TMTC1: variants seen among roughly 807,000 people sequenced by gnomAD.
TMTC1 encodes the protein protein O-mannosyl-transferase TMTC1.
In TMTC1, 73 loss-of-function variants were observed where a neutral mutation model predicts 104.8. That is an observed-to-expected ratio of 0.70 (90% CI 0.58 to 0.85). The LOEUF (loss-of-function observed/expected upper bound fraction) is 0.85, where lower values mean the gene tolerates loss of function less well. Ranked by LOEUF, TMTC1 falls within the 40% of genes least tolerant of loss-of-function variation. TMTC1 has a pLI of 0.00. For missense variants in TMTC1, 1,035 were observed against 1,096.1 expected (o/e 0.94, Z 0.79); for synonymous variants, 434 against 428.7 (o/e 1.01, Z -0.15).
intron 5 of TMTC1, among the ~76,000 whole-genome samples, chr12:29,750,062 T>TACACACACACACACACACACAC (rs34859060): frequency 6.8e-6 from 1 of 146,536 alleles, no homozygotes; most frequent in African/African-American, 2.5e-5. Flanking sequence ...TAACTGTCTA[T>TACACACACACACACACACACAC]ACACACACAC....
intron 11 of TMTC1, among the ~76,000 whole-genome samples, chr12:29,531,093 AG>A (rs1245966578): frequency 2.0e-5 from 3 of 152,186 alleles, no homozygotes; most frequent in Non-Finnish European, 2.9e-5. Context: ...GCCTAGGGGT[AG>A]CCTTCCCTTC....
At chr12:29,731,471 C>T (rs866218929) in intron 5 of TMTC1, among the ~76,000 whole-genome samples, 23 of 152,126 alleles carry the variant, frequency 1.5e-4, no homozygotes, top group African/African-American at 5.3e-4. Context: ...TTTTAAACAA[C>T]GTAACAGCAA....
At chr12:29,559,347 T>G (rs1945322098) in intron 9 of TMTC1, among the ~76,000 whole-genome samples, 1 of 152,154 alleles carries the variant, frequency 6.6e-6, no homozygotes, top group East Asian at 1.9e-4. Flanking sequence ...TAAGCCCAAC[T>G]TCCTGAATTT....
intron 5 of TMTC1, among the ~76,000 whole-genome samples, chr12:29,681,363 A>C (rs1366046062): frequency 1.3e-5 from 2 of 152,188 alleles, no homozygotes; most frequent in African/African-American, 4.8e-5. Context: ...CTGGCTAGTA[A>C]ATTAAGAGAG....
At chr12:29,695,813 ATATATATATATAT>A (rs1206196867) in intron 5 of TMTC1, among the ~76,000 whole-genome samples, 11 of 112,980 alleles carry the variant, frequency 9.7e-5, no homozygotes, top group Admixed American at 1.6e-4. Flanking sequence ...ATATATATAT[ATATATATATATAT>A]ATAACCTGTC....
chr12:29,626,258 G>A (rs1937984507), intron 6 of TMTC1, among the ~76,000 whole-genome samples: 1 of 152,144 alleles, frequency 6.6e-6, no homozygotes, highest in Admixed American at 6.5e-5. Context: ...TAGGCATTAA[G>A]TAAAATAACC....
Position 29,583,593 on chromosome 12 carries a change from G to C in TMTC1, c.1251-19C>G. 1 of 1,606,564 alleles carries C rather than the reference G, an allele frequency of 6.2e-7. No homozygotes were observed. ...GCCCATGCTGGAAAACAGGGTGGAA[G>C]GAACGGGATTACTTTGGGGGTGCAA... On this transcript the variant is annotated intron_variant, in intron 7 of 17. Coordinates refer to ENST00000539277, the MANE Select transcript of TMTC1 (RefSeq NM_001193451.2).
At position 29,783,542 on chromosome 12, in the gene TMTC1, G is replaced by C. The variant is rs747662253; in HGVS notation, c.210C>G (p.Arg70=). 6.8e-7 allele frequency: 1 copy of C among 1,472,574 alleles called. No individual in the cohort carries two copies. Among genetic ancestry groups the C allele is most frequent in the Non-Finnish European group, 9.0e-7 (1 of 1,113,872 alleles). The allele number at this position is 1,472,574 out of a possible 1,614,324, so 91.2% of individuals were successfully genotyped here. A position where few individuals can be genotyped will look rare whatever the true frequency, so the allele number is the denominator to read the frequency against. ...AGAAGTCGTTGGTGAAGATGCCCCAGCGGAGCGGGGCGCCGGGCCGCACGT... is the reference window on the plus strand; with the variant it reads ...AGAAGTCGTTGGTGAAGATGCCCCACCGGAGCGGGGCGCCGGGCCGCACGT... ...NPDVRPGAPL[R]WGIFTNDFWG... Residue 70 remains arginine, a synonymous_variant, in exon 1 of 18, where the codon CGC becomes CGG. Transcript: ENST00000539277. This position sits in a 1 kb window ranked among gnomAD's most constrained non-coding sequence, Gnocchi z 4.7.
chr12:29,753,875 CTT>C (rs1305995073), intron 4 of TMTC1, among the ~76,000 whole-genome samples: 1 of 152,136 alleles, frequency 6.6e-6, no homozygotes, highest in Non-Finnish European at 1.5e-5. Flanking sequence ...GTTTCTTTTT[CTT>C]TTTGTTTTGA....
chr12:29,750,705 T>A (rs1360347570), intron 5 of TMTC1, among the ~76,000 whole-genome samples: 2 of 152,196 alleles, frequency 1.3e-5, no homozygotes, highest in East Asian at 3.9e-4. Context: ...TGAATGGAAT[T>A]TCCATATGTT....
chr12:29,560,690 G>A (rs1945356308), intron 9 of TMTC1, among the ~76,000 whole-genome samples: 1 of 152,176 alleles, frequency 6.6e-6, no homozygotes, highest in Admixed American at 6.5e-5. Context: ...CAAGTATTGG[G>A]TACTTTAGTT....
chr12:29,575,479 A>G (rs1159245886), intron 8 of TMTC1, among the ~76,000 whole-genome samples: 1 of 151,838 alleles, frequency 6.6e-6, no homozygotes, highest in Non-Finnish European at 1.5e-5. Context: ...TATGGGCGCC[A>G]CCCCTACCTC....
At chr12:29,668,746 C>T (rs556350420) in intron 5 of TMTC1, among the ~76,000 whole-genome samples, 1 of 152,320 alleles carries the variant, frequency 6.6e-6, no homozygotes, top group Admixed American at 6.5e-5. Flanking sequence ...CAGGCATGAG[C>T]CACTGCTCCT....
chr12:29,664,535 A>C (rs1184590564), intron 5 of TMTC1, among the ~76,000 whole-genome samples: 1 of 152,216 alleles, frequency 6.6e-6, no homozygotes, highest in Non-Finnish European at 1.5e-5. Flanking sequence ...ACGATCTGTG[A>C]AGTAGAACCA....
intron 5 of TMTC1, among the ~76,000 whole-genome samples, chr12:29,667,372 T>C (rs1201684035): frequency 2.6e-5 from 4 of 152,206 alleles, no homozygotes; most frequent in Non-Finnish European, 5.9e-5. Context: ...CAATACCCCA[T>C]TCTAAGGCTA....
rs975655115 is a variant in TMTC1, at chr12:29,607,050, G to A, written c.1129-2751C>T. 2.6e-5 allele frequency among the ~76,000 whole-genome samples: 4 copies of A among 152,076 alleles called. No individual in the cohort carries two copies. In the South Asian group the frequency reaches 8.3e-4, roughly 32 times the overall value. On this transcript the variant is annotated intron_variant, in intron 6 of 17. Transcript: ENST00000539277. ...TGATTGCTGTTGGGGATGCGGAGATGGGGGGAGAGTCAAGGAGCGATCAGC... is the reference window on the plus strand; with the variant it reads ...TGATTGCTGTTGGGGATGCGGAGATAGGGGGAGAGTCAAGGAGCGATCAGC...
At chr12:29,739,424 C>T (rs993642348) in intron 5 of TMTC1, among the ~76,000 whole-genome samples, 1 of 152,168 alleles carries the variant, frequency 6.6e-6, no homozygotes, top group Non-Finnish European at 1.5e-5. Flanking sequence ...TCAGCTTGAG[C>T]CAAACTTCCC....
chr12:29,605,174 T>C (rs1946665814), intron 6 of TMTC1, among the ~76,000 whole-genome samples: 1 of 152,050 alleles, frequency 6.6e-6, no homozygotes, highest in Non-Finnish European at 1.5e-5. Flanking sequence ...AAATAGACTG[T>C]CCATATTTCA....
intron 8 of TMTC1, among the ~76,000 whole-genome samples, chr12:29,574,067 A>G (rs1397310008): frequency 6.6e-6 from 1 of 152,080 alleles, no homozygotes; most frequent in Admixed American, 6.6e-5. Flanking sequence ...GAATTTCAGC[A>G]GGGGCCATAG....
Sources: gnomAD v4.1 joint callset for allele counts (sites outside exome capture counted in the v4.1 genomes callset) on GRCh38, gnomAD v4.1.1 for gene constraint, Gnocchi (gnomAD v3.1) non-coding constraint, MANE v1.5 for transcripts, NCBI Gene and HGNC (gene_info 2026-07-23, HGNC 2026-07-21) for gene names.